The following TTC9B variants were observed in gnomAD, a reference collection of about 807,000 sequenced individuals.
TTC9B encodes tetratricopeptide repeat domain 9B.
Under a neutral mutation model 19.4 loss-of-function variants are expected in TTC9B, and 12 were observed. The observed-to-expected ratio is 0.62, with a 90% CI of 0.40 to 1.00. The LOEUF (loss-of-function observed/expected upper bound fraction) is 1.00, where lower values mean the gene tolerates loss of function less well. TTC9B is among the 50% of genes least tolerant of loss of function. The pLI is 0.00. For missense variants in TTC9B, 316 were observed against 345.2 expected, an observed-to-expected ratio of 0.92 and a Z score of 0.67; for synonymous variants, 156 against 158.6, an observed-to-expected ratio of 0.98 and a Z score of 0.12.
At chr19:40,216,481 C>T (rs960287840) in intron 2 of TTC9B, 2 of 553,532 alleles carry the variant, frequency 3.6e-6, no homozygotes, top group East Asian at 3.1e-5. Context: ...CCTGTATTTG[C>T]GGCACCCTCT....
rs1568498667 is a variant in TTC9B, at chr19:40,218,354, GCA to G, written c.26_27del (p.Val9AlafsTer95). 1 of 1,343,100 alleles carries G rather than the reference GCA, an allele frequency of 7.4e-7. No homozygotes were observed. The highest frequency in any genetic ancestry group is 1.5e-5 in the African/African-American group (1 of 64,858). The allele number at this position is 1,343,100 out of a possible 1,614,324, so 83.2% of individuals were successfully genotyped here. MQRGALSP[V>X]LMLSAAPEPP... is the part of the protein sequence containing the mutation. ...GGCTCCGGGGCAGCGCTGAGCATCA[GCA>G]CCGGGGACAGCGCGCCGCGCTGCAT... is the stretch of plus-strand genomic sequence containing the variant. On this transcript the variant is annotated frameshift_variant, in exon 1 of 3. Transcript: ENST00000311308. LOFTEE classifies it high-confidence loss of function. This position sits in a 1 kb window ranked among gnomAD's most constrained non-coding sequence, Gnocchi z 4.2.
chr19:40,218,263 C>G lies in TTC9B; in HGVS notation c.119G>C (p.Gly40Ala). 1 of 1,488,122 alleles carries G rather than the reference C, an allele frequency of 6.7e-7. No individual in the cohort carries two copies. Among genetic ancestry groups the G allele is most frequent in the East Asian group, 2.9e-5 (1 of 34,208 alleles). 92.2% of individuals were successfully genotyped at this position (1,488,122 alleles called of 1,614,324 possible). Residue 40 changes from glycine (G) to alanine (A), a missense_variant, in exon 1 of 3, where the codon GGC (glycine) becomes GCC (alanine). Gly to Ala is a moderately conservative substitution (Grantham distance 60). Coordinates refer to ENST00000311308, the MANE Select transcript of TTC9B (RefSeq NM_152479.6). This position sits in a 1 kb window ranked among gnomAD's most constrained non-coding sequence, Gnocchi z 4.2. ...TGGGGTAGGACCGGGACGAGCCGAG[C>G]CATGGCGGGAGCCCGAGCCTGGGCC... ...GSGPGSGSRH[G>A]SARPGPTPEP...
At chr19:40,216,533 A>G (rs1214440065) in intron 2 of TTC9B, 1 of 493,832 alleles carries the variant, frequency 2.0e-6, no homozygotes, top group Non-Finnish European at 3.6e-6. Context: ...CACACTTCTC[A>G]TCCTCCAGCG....
At position 40,216,265 on chromosome 19, in the gene TTC9B, A is replaced by C. The variant is rs772297215; in HGVS notation, c.618T>G (p.Asn206Lys). 6.2e-7 allele frequency: 1 copy of C among 1,613,934 alleles called. No homozygotes were observed. The highest frequency in any genetic ancestry group is 8.5e-7 in the Non-Finnish European group (1 of 1,179,942). The stretch of plus-strand genomic sequence containing the variant: ...GAGTCAGCTGGATGTAGCGGAGCAC[A>C]TTGGTGTCTGCAGGGGAGGTGGGCA... ...EARSREPTDT[N>K]VLRYIQLTQL... The change falls in exon 3 of 3, where the codon AAT becomes AAG. Residue 206 changes from asparagine to lysine, a missense_variant. Coordinates refer to ENST00000311308, the MANE Select transcript of TTC9B (RefSeq NM_152479.6).
chr19:40,217,042 G>A (rs1973376986), intron 2 of TTC9B, 145 bp downstream of exon 2: 2 of 843,002 alleles, frequency 2.4e-6, no homozygotes, highest in African/African-American at 3.4e-5. Flanking sequence ...TAGGGAGTAG[G>A]TGGGTGGCGC....
At chr19:40,217,554 A>G (rs2145108147) in intron 1 of TTC9B, 185 bp from the exon 2 acceptor site, 1 of 750,310 alleles carries the variant, frequency 1.3e-6, no homozygotes, top group African/African-American at 1.8e-5. Flanking sequence ...GGGGCGCCAA[A>G]ACACGGACAG....
rs888662315 is a variant in TTC9B, at chr19:40,218,365, A to G, written c.17T>C (p.Leu6Pro). 29 of 1,339,676 alleles carry G rather than the reference A, an allele frequency of 2.2e-5. No homozygotes were observed. The highest frequency in any genetic ancestry group is 2.6e-5 in the Non-Finnish European group (27 of 1,052,308). 83.0% of individuals were successfully genotyped at this position (1,339,676 alleles called of 1,614,324 possible). The change falls in exon 1 of 3, where the codon CTG becomes CCG. Residue 6 changes from leucine (L) to proline (P), a missense_variant. Transcript: ENST00000311308. This position sits in a 1 kb window ranked among gnomAD's most constrained non-coding sequence, Gnocchi z 4.2. Reference protein sequence around the residue: MQRGALSPVLMLSAAP... With the variant: MQRGAPSPVLMLSAAP... ...AGCGCTGAGCATCAGCACCGGGGAC[A>G]GCGCGCCGCGCTGCATTGTGGGAAA...
At chr19:40,217,135 CCT>C (rs1483322146) in intron 2 of TTC9B, 50 bp downstream of exon 2, 9 of 1,559,356 alleles carry the variant, frequency 5.8e-6, no homozygotes, top group Non-Finnish European at 7.8e-6. Context: ...CGCTGCAGCC[CCT>C]TTCCCCGCCC....
rs750231451 is a variant in TTC9B, at chr19:40,218,032, G to A, written c.350C>T (p.Pro117Leu). Reference protein sequence around the residue: ...PAPAPGPTSSPGPARLSEEQR... With the variant: ...PAPAPGPTSSLGPARLSEEQR... ...CTCCTCGCTGAGGCGCGCCGGCCCG[G>A]GGCTGCTGGTGGGCCCGGGGGCGGG... The change falls in exon 1 of 3, where the codon CCC (proline) becomes CTC (leucine). Residue 117 changes from proline to leucine, a missense_variant. Physicochemically the swap from Pro to Leu is moderately conservative, Grantham distance 98. Transcript: ENST00000311308. The surrounding 1 kb of genome is among the most constrained non-coding windows in gnomAD (Gnocchi z 4.2). The A allele has an allele frequency of 2.7e-6, 4 of 1,486,764 alleles. No individual in the cohort carries two copies. The South Asian group carries it at 5.2e-5, about 19-fold the overall frequency. 92.1% of individuals were successfully genotyped at this position (1,486,764 alleles called of 1,614,324 possible). A position where few individuals can be genotyped will look rare whatever the true frequency, so the allele number is the denominator to read the frequency against.
intron 2 of TTC9B, 93 bp from the exon 3 acceptor site, chr19:40,216,365 TC>T: frequency 1.1e-6 from 1 of 894,600 alleles, no homozygotes; most frequent in Non-Finnish European, 1.8e-6. Context: ...CTCCGAAGTA[TC>T]CAGCAGCTCG....
Position 40,217,988 on chromosome 19 carries a change from T to G in TTC9B, c.394A>C (p.Ser132Arg). The change falls in exon 1 of 3, where the codon AGC (serine) becomes CGC (arginine). Residue 132 changes from serine to arginine, a missense_variant. Transcript: ENST00000311308. ...LSEEQRRLVE[S>R]TEVECYDSLT... is the part of the protein sequence containing the mutation. ...GAGTCGTAACACTCCACCTCCGTGCTCTCCACCAGGCGCCGCTGCTCCTCG... is the reference window on the plus strand; with the variant it reads ...GAGTCGTAACACTCCACCTCCGTGCGCTCCACCAGGCGCCGCTGCTCCTCG... The G allele has an allele frequency of 7.0e-7, 1 of 1,425,620 alleles. No homozygotes were observed. Among genetic ancestry groups the G allele is most frequent in the Non-Finnish European group, 9.2e-7 (1 of 1,092,096 alleles). 88.3% of individuals were successfully genotyped at this position (1,425,620 alleles called of 1,614,324 possible).
chr19:40,217,060 C>T, intron 2 of TTC9B, 127 bp downstream of exon 2: 1 of 1,114,946 alleles, frequency 9.0e-7, no homozygotes, highest in Non-Finnish European at 1.3e-6. Flanking sequence ...CGCAGCCCTA[C>T]CTAGAAGCAG....
chr19:40,217,792 AT>A (rs1973389850), intron 1 of TTC9B, 162 bp downstream of exon 1: 1 of 640,942 alleles, frequency 1.6e-6, no homozygotes, highest in East Asian at 3.2e-5. Flanking sequence ...GACCCCTGTC[AT>A]CCCCTACCCC....
In TTC9B at chr19:40,218,186, C is replaced by T; in HGVS notation, c.196G>A (p.Val66Met). The T allele has an allele frequency of 2.5e-6, 4 of 1,575,216 alleles. No homozygotes were observed. Among genetic ancestry groups the T allele is most frequent in the Admixed American group, 1.8e-5 (1 of 55,228 alleles). Residue 66 changes from valine (V) to methionine (M), a missense_variant, in exon 1 of 3, where the codon GTG becomes ATG. By Grantham distance (21) the Val-to-Met change is conservative. Coordinates refer to ENST00000311308, the MANE Select transcript of TTC9B (RefSeq NM_152479.6). This position sits in a 1 kb window ranked among gnomAD's most constrained non-coding sequence, Gnocchi z 4.2. Reference protein sequence around the residue: ...AALDSSLRAAVAFKAEGQRCY... With the variant: ...AALDSSLRAAMAFKAEGQRCY... ...CGCTGGCCCTCTGCCTTGAACGCCA[C>T]GGCGGCACGCAGGCTGCTGTCGAGC...
intron 1 of TTC9B, 155 bp from the exon 2 acceptor site, chr19:40,217,524 C>A: frequency 1.1e-6 from 1 of 949,660 alleles, no homozygotes; most frequent in Non-Finnish European, 1.5e-6. Flanking sequence ...TCGAAACAGG[C>A]GCAACTGCGC....
chr19:40,216,184 C>G lies in TTC9B; in HGVS notation c.699G>C (p.Gln233His), dbSNP rs1428264493. The change falls in exon 3 of 3, where the codon CAG (glutamine) becomes CAC (histidine). Residue 233 changes from glutamine to histidine, a missense_variant. Gln to His is a conservative substitution (Grantham distance 24, BLOSUM62 0). Transcript: ENST00000311308. ...LQREDSGAGS[Q>H]TRDVIG is the part of the protein sequence containing the mutation. ...GGCCTCAGCCAATTACATCCCGAGT[C>G]TGGGACCCAGCCCCACTGTCTTCCC... 1.2e-6 allele frequency: 2 copies of G among 1,614,092 alleles called. No individual in the cohort carries two copies. Among genetic ancestry groups the G allele is most frequent in the African/African-American group, 2.7e-5 (2 of 74,950 alleles).
chr19:40,218,012 C>A lies in TTC9B; in HGVS notation c.370G>T (p.Glu124Ter), dbSNP rs1489871728. Residue 124 changes from glutamate (E) to a stop codon, truncating the protein, a stop_gained, in exon 1 of 3, where the codon GAG becomes TAG. Transcript: ENST00000311308. LOFTEE classifies it high-confidence loss of function. The surrounding 1 kb of genome is among the most constrained non-coding windows in gnomAD (Gnocchi z 4.2). Reference protein sequence around the residue: ...TSSPGPARLSEEQRRLVESTE... With the variant: ...TSSPGPARLS ...CTCTCCACCAGGCGCCGCTGCTCCT[C>A]GCTGAGGCGCGCCGGCCCGGGGCTG... is the stretch of plus-strand genomic sequence containing the variant. 6.7e-7 allele frequency: 1 copy of A among 1,489,430 alleles called. No individual in the cohort carries two copies. Among genetic ancestry groups the A allele is most frequent in the Non-Finnish European group, 8.9e-7 (1 of 1,124,558 alleles). The allele number at this position is 1,489,430 out of a possible 1,614,324, so 92.3% of individuals were successfully genotyped here.
Position 40,218,189 on chromosome 19 carries a change from C to T in TTC9B, c.193G>A (p.Ala65Thr), listed in dbSNP as rs376663858. The T allele has an allele frequency of 8.9e-6, 14 of 1,575,188 alleles. No homozygotes were observed. The highest frequency in any genetic ancestry group is 1.2e-5 in the Non-Finnish European group (14 of 1,164,842). The change falls in exon 1 of 3, where the codon GCC (alanine) becomes ACC (threonine). Residue 65 changes from alanine (A) to threonine (T), a missense_variant. By Grantham distance (58) the Ala-to-Thr change is moderately conservative. Transcript: ENST00000311308. The surrounding 1 kb of genome is among the most constrained non-coding windows in gnomAD (Gnocchi z 4.2). ...GAALDSSLRAAVAFKAEGQRC... is the reference protein window; with the variant it reads ...GAALDSSLRATVAFKAEGQRC... ...TGGCCCTCTGCCTTGAACGCCACGG[C>T]GGCACGCAGGCTGCTGTCGAGCGCC... is the stretch of plus-strand genomic sequence containing the variant.
chr19:40,218,035 C>G lies in TTC9B; in HGVS notation c.347G>C (p.Ser116Thr). ...LPAPAPGPTS[S>T]PGPARLSEEQ... ...CTCGCTGAGGCGCGCCGGCCCGGGG[C>G]TGCTGGTGGGCCCGGGGGCGGGGGC... The change falls in exon 1 of 3, where the codon AGC becomes ACC. Residue 116 changes from serine (S) to threonine (T), a missense_variant. Coordinates refer to ENST00000311308, the MANE Select transcript of TTC9B (RefSeq NM_152479.6). This position sits in a 1 kb window ranked among gnomAD's most constrained non-coding sequence, Gnocchi z 4.2. The G allele has an allele frequency of 3.4e-6, 5 of 1,486,266 alleles. No individual in the cohort carries two copies. The highest frequency in any genetic ancestry group is 4.5e-6 in the Non-Finnish European group (5 of 1,122,316). 92.1% of individuals were successfully genotyped at this position (1,486,266 alleles called of 1,614,324 possible).
Sources: gnomAD v4.1 joint callset for allele counts on GRCh38, gnomAD v4.1.1 for gene constraint, Gnocchi (gnomAD v3.1) non-coding constraint, MANE v1.5 for transcripts, NCBI Gene and HGNC (gene_info 2026-07-23, HGNC 2026-07-21) for gene names.